PTCHD1: variants seen among roughly 807,000 people sequenced by gnomAD.
PTCHD1 encodes the protein patched domain containing 1.
PTCHD1 carries 3 observed loss-of-function variants against 34.6 expected under a neutral mutation model. The observed-to-expected ratio is 0.09, with a 90% CI of 0.04 to 0.22. The LOEUF is 0.22. Among genes scored for constraint, PTCHD1 ranks in the 10% least tolerant of loss-of-function variants. The pLI, the probability that PTCHD1 is intolerant of heterozygous loss-of-function variation, is 1.00. For missense variants in PTCHD1, 504 were observed against 685.5 expected, an observed-to-expected ratio of 0.74 and a Z score of 2.96; for synonymous variants, 305 against 283.1, an observed-to-expected ratio of 1.08 and a Z score of -0.77.
intron 1 of PTCHD1, among the ~76,000 whole-genome samples, chrX:23,377,408 A>G (rs906343004): frequency 8.9e-6 from 1 of 111,928 alleles, no homozygotes; most frequent in Non-Finnish European, 1.9e-5. Flanking sequence ...ATATTTTGTA[A>G]CTAGGAGTTC....
intron 2 of PTCHD1, among the ~76,000 whole-genome samples, chrX:23,381,844 G>T (rs937269073): frequency 8.9e-6 from 1 of 111,960 alleles, no homozygotes; most frequent in Non-Finnish European, 1.9e-5. Context: ...CCCCAAGACC[G>T]TGTGGGTTGA....
chrX:23,356,535 G>C (rs1921807624), intron 1 of PTCHD1, among the ~76,000 whole-genome samples: 1 of 111,617 alleles, frequency 9.0e-6, no homozygotes, highest in Non-Finnish European at 1.9e-5. Context: ...GTGCTGATTC[G>C]CACCAGCTTT....
intron 1 of PTCHD1, among the ~76,000 whole-genome samples, chrX:23,374,433 C>A (rs760964661): frequency 9.1e-6 from 1 of 110,366 alleles, no homozygotes; most frequent in Non-Finnish European, 1.9e-5. Flanking sequence ...CAAAGTGTCC[C>A]TGCTGTCTTC....
At chrX:23,387,537 T>C (rs1045094666) in intron 2 of PTCHD1, among the ~76,000 whole-genome samples, 2 of 112,465 alleles carry the variant, frequency 1.8e-5, no homozygotes, top group Non-Finnish European at 3.7e-5. Context: ...TTTAGTATTT[T>C]ATTTTATTAG....
intron 1 of PTCHD1, among the ~76,000 whole-genome samples, chrX:23,372,201 G>A (rs1922298425): frequency 9.2e-6 from 1 of 109,127 alleles, no homozygotes; most frequent in African/African-American, 3.3e-5. Context: ...TTTTAAATTA[G>A]GGGTGAGCTC....
intron 2 of PTCHD1, among the ~76,000 whole-genome samples, chrX:23,390,052 T>C (rs954600229): frequency 1.8e-5 from 2 of 112,082 alleles, no homozygotes; most frequent in African/African-American, 3.2e-5. Context: ...TTGATTCTTA[T>C]TGTATTTTCC....
intron 1 of PTCHD1, among the ~76,000 whole-genome samples, chrX:23,376,281 G>A (rs1362753810): frequency 8.9e-6 from 1 of 112,321 alleles, no homozygotes; most frequent in African/African-American, 3.2e-5. Flanking sequence ...TAAGGGTCAG[G>A]ACAATTAGTT....
Position 23,394,331 on chromosome X carries a change from G to C in PTCHD1, c.*146G>C. On this transcript the variant is annotated 3_prime_UTR_variant, in exon 3 of 3. Coordinates refer to ENST00000379361, the MANE Select transcript of PTCHD1 (RefSeq NM_173495.3). ...AAAAAAAAAAAAAAAAAAAGGAAAGGACAGTGGGGAGAAATGGGCCTGGCA... is the reference window on the plus strand; with the variant it reads ...AAAAAAAAAAAAAAAAAAAGGAAAGCACAGTGGGGAGAAATGGGCCTGGCA... The C allele has an allele frequency of 2.3e-6, 1 of 443,143 alleles. No homozygotes were observed. Among genetic ancestry groups the C allele is most frequent in the Non-Finnish European group, 3.7e-6 (1 of 268,523 alleles). 36.5% of individuals were successfully genotyped at this position (443,143 alleles called of 1,213,427 possible).
chrX:23,338,769 A>T (rs1921234236), intron 1 of PTCHD1, among the ~76,000 whole-genome samples: 2 of 111,851 alleles, frequency 1.8e-5, no homozygotes, highest in Admixed American at 1.9e-4. Context: ...CACTACTGGA[A>T]TGATTTAAAA....
chrX:23,342,302 ATATATATATT>A (rs1921351939), intron 1 of PTCHD1, among the ~76,000 whole-genome samples: 2 of 10,016 alleles, frequency 2.0e-4, no homozygotes, highest in Non-Finnish European at 2.5e-4. Flanking sequence ...ATATATATAT[ATATATATATT>A]TTTTTTTTTT....
intron 1 of PTCHD1, among the ~76,000 whole-genome samples, chrX:23,349,142 A>G (rs778196825): frequency 3.6e-5 from 4 of 111,489 alleles, no homozygotes; most frequent in African/African-American, 1.3e-4. Context: ...AATTTTTTTA[A>G]AGAAGTAAAA....
chrX:23,348,417 A>G (rs1360579183), intron 1 of PTCHD1, among the ~76,000 whole-genome samples: 1 of 111,542 alleles, frequency 9.0e-6, no homozygotes, highest in Non-Finnish European at 1.9e-5. Context: ...TCTAAAATTA[A>G]AGACACCAAA....
chrX:23,351,201 G>A lies in PTCHD1; in HGVS notation c.351+15975G>A, dbSNP rs184774434. 4.3e-4 allele frequency: 293 copies of A among 687,640 alleles called. 2 individuals are homozygous for A. The East Asian group carries it at 9.2e-3, about 21-fold the overall frequency. 56.7% of individuals were successfully genotyped at this position (687,640 alleles called of 1,213,427 possible). Reference sequence around the variant, plus strand: ...CATCTGTTGCTCAGATTGGAATTTCGGTGGAATCACTGGACAGTATGGCTC... The same window carrying A: ...CATCTGTTGCTCAGATTGGAATTTCAGTGGAATCACTGGACAGTATGGCTC... On this transcript the variant is annotated intron_variant, in intron 1 of 2. Transcript: ENST00000379361.
intron 2 of PTCHD1, among the ~76,000 whole-genome samples, chrX:23,381,998 TTTTCG>T (rs1420900090): frequency 2.7e-5 from 3 of 111,454 alleles, no homozygotes; most frequent in Non-Finnish European, 5.6e-5. Context: ...ACGGGAAGGG[TTTTCG>T]TTTCGTTTCA....
chrX:23,339,687 A>G (rs1272539431), intron 1 of PTCHD1, among the ~76,000 whole-genome samples: 3 of 112,140 alleles, frequency 2.7e-5, no homozygotes, highest in Non-Finnish European at 3.8e-5. Context: ...TGCAATCACT[A>G]TGGGAATCAC....
intron 1 of PTCHD1, among the ~76,000 whole-genome samples, chrX:23,345,462 A>G (rs1921449036): frequency 8.9e-6 from 1 of 111,827 alleles, no homozygotes; most frequent in South Asian, 3.8e-4. Context: ...GATCTAAGGA[A>G]CCTTGCTGAA....
rs1159956743 is a variant in PTCHD1, at chrX:23,335,082, C to G, written c.207C>G (p.Leu69=). 1.7e-6 allele frequency: 2 copies of G among 1,209,320 alleles called. No individual in the cohort carries two copies. The highest frequency in any genetic ancestry group is 3.5e-5 in the African/African-American group (2 of 57,132). ...GCCTGGCCAAGATCGAGCGCAACCT[C>G]GTTAACAGCCTCTTCCCGGTCAACC... ...QHSLAKIERN[L]VNSLFPVNRS... Residue 69 remains leucine (L), a synonymous_variant, in exon 1 of 3, where the codon CTC becomes CTG. Transcript: ENST00000379361.
chrX:23,362,831 T>C (rs1301331625), intron 1 of PTCHD1, among the ~76,000 whole-genome samples: 9 of 112,372 alleles, frequency 8.0e-5, no homozygotes, highest in Non-Finnish European at 1.5e-4. Context: ...ATCCTTTCTG[T>C]TGATTTTGAT....
At position 23,401,633 on chromosome X, in the gene PTCHD1, C is replaced by T. The variant is rs750979770; in HGVS notation, c.*7448C>T. ...TACACACATATCACAGATGTGCATG[C>T]ACACATACACATGCACACCACCTTT... is the stretch of plus-strand genomic sequence containing the variant. On this transcript the variant is annotated 3_prime_UTR_variant, in exon 3 of 3. Transcript: ENST00000379361. 4.4e-5 allele frequency: 5 copies of T among 113,279 alleles called. No individual in the cohort carries two copies. The highest frequency in any genetic ancestry group is 7.5e-5 in the Non-Finnish European group (4 of 53,454). The allele number at this position is 113,279 out of a possible 1,213,427, so 9.3% of individuals were successfully genotyped here.
Sources: gnomAD v4.1 joint callset for allele counts (sites outside exome capture counted in the v4.1 genomes callset) on GRCh38, gnomAD v4.1.1 for gene constraint, MANE v1.5 for transcripts, NCBI Gene and HGNC (gene_info 2026-07-23, HGNC 2026-07-21) for gene names.